Variants in RPS6KA5 observed in about 807,000 individuals in gnomAD.
RPS6KA5 encodes the protein ribosomal protein S6 kinase A5.
In RPS6KA5, 27 loss-of-function variants were observed where a neutral mutation model predicts 85.5. That is an observed-to-expected ratio of 0.32 (90% CI 0.23 to 0.44). The LOEUF (loss-of-function observed/expected upper bound fraction) is 0.44, where lower values mean the gene tolerates loss of function less well. Ranked by LOEUF, RPS6KA5 falls within the 20% of genes least tolerant of loss-of-function variation. RPS6KA5 has a pLI of 1.00. For synonymous variants in RPS6KA5, 334 were observed against 348.2 expected (o/e 0.96, Z 0.46); for missense variants, 811 against 980.9 (o/e 0.83, Z 2.31).
At chr14:90,999,935 G>GTGTATATAACCA (rs2040709108) in intron 2 of RPS6KA5, among the ~76,000 whole-genome samples, 1 of 152,156 alleles carries the variant, frequency 6.6e-6, no homozygotes, top group African/African-American at 2.4e-5. Context: ...TAAGATTTTA[G>GTGTATATAACCA]TGTATATAAC....
At chr14:90,923,259 A>T (rs751061942) in intron 5 of RPS6KA5, 63 bp from the exon 6 acceptor site, 7 of 1,273,790 alleles carry the variant, frequency 5.5e-6, no homozygotes, top group South Asian at 4.8e-5. Flanking sequence ...ACAAAAGAAG[A>T]AAGTAATACA....
Position 90,869,235 on chromosome 14 carries a change from C to T in RPS6KA5, c.*2839G>A, listed in dbSNP as rs932047421. On this transcript the variant is annotated 3_prime_UTR_variant, in exon 17 of 17. Coordinates refer to ENST00000614987, the MANE Select transcript of RPS6KA5 (RefSeq NM_004755.4). Reference sequence around the variant, plus strand: ...AGAGACAGTGTCTCACTATGTTGCCCAGGTTGGTCTCTAACTCCTGGTTTC... The same window carrying T: ...AGAGACAGTGTCTCACTATGTTGCCTAGGTTGGTCTCTAACTCCTGGTTTC... 2.6e-5 allele frequency: 4 copies of T among 152,076 alleles called. No individual in the cohort carries two copies. Among genetic ancestry groups the T allele is most frequent in the Non-Finnish European group, 5.9e-5 (4 of 68,016 alleles). The allele number at this position is 152,076 out of a possible 1,614,324, so 9.4% of individuals were successfully genotyped here.
intron 1 of RPS6KA5, among the ~76,000 whole-genome samples, chr14:91,032,391 T>C (rs1489619239): frequency 6.6e-6 from 1 of 152,184 alleles, no homozygotes; most frequent in African/African-American, 2.4e-5. Flanking sequence ...GTTAAGCCAC[T>C]GTAGTTGAGT....
intron 1 of RPS6KA5, among the ~76,000 whole-genome samples, chr14:91,010,459 A>C (rs1490918059): frequency 1.3e-5 from 2 of 152,208 alleles, no homozygotes; most frequent in Non-Finnish European, 2.9e-5. Context: ...CGGATCATCA[A>C]ATTGTTCAAT....
At chr14:90,908,147 A>G (rs2035612571) in intron 7 of RPS6KA5, among the ~76,000 whole-genome samples, 1 of 152,222 alleles carries the variant, frequency 6.6e-6, no homozygotes, top group Non-Finnish European at 1.5e-5. Flanking sequence ...CAGAAAGGAG[A>G]AATGTCCACC....
At chr14:91,025,811 TA>T (rs71117398) in intron 1 of RPS6KA5, among the ~76,000 whole-genome samples, 1,689 of 143,450 alleles carry the variant, frequency 0.012, 17 homozygotes, top group African/African-American at 0.028. Flanking sequence ...CTTTTTCTCT[TA>T]AAAAAAAAAA....
At chr14:90,872,775 T>C (rs1016499159) in intron 16 of RPS6KA5, among the ~76,000 whole-genome samples, 7 of 152,232 alleles carry the variant, frequency 4.6e-5, no homozygotes, top group African/African-American at 7.2e-5. Context: ...CATTTGGATA[T>C]ATACTGGACA....
chr14:90,975,519 G>A (rs2039524902), intron 3 of RPS6KA5, among the ~76,000 whole-genome samples: 1 of 152,168 alleles, frequency 6.6e-6, no homozygotes, highest in East Asian at 1.9e-4. Context: ...ACATGCGTAG[G>A]GGGACAACAT....
intron 14 of RPS6KA5, among the ~76,000 whole-genome samples, chr14:90,885,335 G>A (rs985250573): frequency 2.3e-4 from 35 of 151,082 alleles, no homozygotes; most frequent in African/African-American, 7.3e-4. Context: ...GGCAGATCAT[G>A]AGGTCAGGAG....
chr14:90,899,263 G>A lies in RPS6KA5; in HGVS notation c.1473+66C>T, dbSNP rs970448668. On this transcript the variant is annotated intron_variant, in intron 12 of 16. Transcript: ENST00000614987. ...TGACCCAGCAGCACCAACAAAACGCGTGAAAAGTACAACCCTGTAAGTGAA... is the reference window on the plus strand; with the variant it reads ...TGACCCAGCAGCACCAACAAAACGCATGAAAAGTACAACCCTGTAAGTGAA... 1.2e-5 allele frequency: 14 copies of A among 1,134,264 alleles called. No homozygotes were observed. The East Asian group carries it at 1.7e-4, about 13-fold the overall frequency. 70.3% of individuals were successfully genotyped at this position (1,134,264 alleles called of 1,614,324 possible).
intron 1 of RPS6KA5, among the ~76,000 whole-genome samples, chr14:91,031,339 C>T (rs937044326): frequency 1.3e-5 from 2 of 152,106 alleles, no homozygotes; most frequent in African/African-American, 4.8e-5. Flanking sequence ...AAAAAAATCT[C>T]CTATGCAAGC....
intron 5 of RPS6KA5, among the ~76,000 whole-genome samples, chr14:90,942,223 CAATATACTCCA>C (rs1397843180): frequency 6.6e-6 from 1 of 152,102 alleles, no homozygotes; most frequent in African/African-American, 2.4e-5. Context: ...ACTGCTTTAG[CAATATACTCCA>C]AAAACCAATC....
intron 1 of RPS6KA5, among the ~76,000 whole-genome samples, chr14:91,028,198 G>A (rs1038368187): frequency 6.6e-6 from 1 of 152,030 alleles, no homozygotes; most frequent in African/African-American, 2.4e-5. Flanking sequence ...TATGAAAGAT[G>A]ACTGTATCCA....
intron 2 of RPS6KA5, among the ~76,000 whole-genome samples, chr14:90,995,908 T>A (rs1352352446): frequency 6.6e-6 from 1 of 152,120 alleles, no homozygotes; most frequent in Non-Finnish European, 1.5e-5. Flanking sequence ...AACGAGACCC[T>A]GTCTCTACTA....
At chr14:91,052,452 T>TG in intron 1 of RPS6KA5, 1 of 179,128 alleles carries the variant, frequency 5.6e-6, no homozygotes, top group Non-Finnish European at 1.1e-5. Flanking sequence ...GGCAACAGAG[T>TG]AGACTCGTCT....
At chr14:90,928,178 T>TA (rs2036785143) in intron 5 of RPS6KA5, among the ~76,000 whole-genome samples, 1 of 151,916 alleles carries the variant, frequency 6.6e-6, no homozygotes, top group South Asian at 2.1e-4. Context: ...CTCAGACTCT[T>TA]AAAGTGCTTG....
intron 7 of RPS6KA5, among the ~76,000 whole-genome samples, chr14:90,911,844 C>A (rs1186516563): frequency 6.6e-6 from 1 of 152,094 alleles, no homozygotes; most frequent in African/African-American, 2.4e-5. Context: ...ACCCCATATG[C>A]GTATCTTAAA....
intron 5 of RPS6KA5, among the ~76,000 whole-genome samples, chr14:90,936,086 T>C (rs1438872676): frequency 1.3e-5 from 2 of 152,222 alleles, no homozygotes; most frequent in Non-Finnish European, 2.9e-5. Context: ...CTATGGAAGA[T>C]ATATATTAGC....
At chr14:90,940,788 C>T (rs1003230609) in intron 5 of RPS6KA5, among the ~76,000 whole-genome samples, 1 of 152,186 alleles carries the variant, frequency 6.6e-6, no homozygotes, top group Non-Finnish European at 1.5e-5. Context: ...CTGAGCTCTG[C>T]CTTCTGTCAG....
Sources: gnomAD v4.1 joint callset for allele counts (sites outside exome capture counted in the v4.1 genomes callset) on GRCh38, gnomAD v4.1.1 for gene constraint, MANE v1.5 for transcripts, NCBI Gene and HGNC (gene_info 2026-07-23, HGNC 2026-07-21) for gene names.